Variants in ASTN1 observed in about 807,000 individuals in gnomAD.
The protein encoded by ASTN1 is astrotactin-1.
Under a neutral mutation model 140.7 loss-of-function variants are expected in ASTN1, and 41 were observed. The ratio of observed to expected loss-of-function variants is 0.29; its 90% CI spans 0.23 to 0.38. ASTN1 has a LOEUF of 0.38. ASTN1 is among the 10% of genes least tolerant of loss of function. The pLI is 1.00. For synonymous variants in ASTN1, 640 were observed against 652.2 expected (o/e 0.98, Z 0.29); for missense variants, 1,479 against 1,678.8 (o/e 0.88, Z 2.08).
At chr1:177,066,000 T>C (rs1678334370) in intron 1 of ASTN1, among the ~76,000 whole-genome samples, 1 of 152,188 alleles carries the variant, frequency 6.6e-6, no homozygotes. Flanking sequence ...AGTTTTCTCG[T>C]CTGAACAAGG....
At chr1:176,956,583 G>A (rs747779932) in intron 11 of ASTN1, among the ~76,000 whole-genome samples, 8 of 152,152 alleles carry the variant, frequency 5.3e-5, no homozygotes, top group Non-Finnish European at 1.2e-4. Flanking sequence ...TGCTCCAACC[G>A]CCAATCCAGT....
intron 11 of ASTN1, among the ~76,000 whole-genome samples, chr1:176,954,084 G>A (rs1336575319): frequency 6.6e-6 from 1 of 152,176 alleles, no homozygotes; most frequent in African/African-American, 2.4e-5. Flanking sequence ...AGCCAAGCCT[G>A]CTCCAATCCC....
intron 1 of ASTN1, among the ~76,000 whole-genome samples, chr1:177,103,301 G>C (rs1189255788): frequency 1.3e-5 from 2 of 152,210 alleles, no homozygotes; most frequent in Non-Finnish European, 2.9e-5. Flanking sequence ...AATAGATCTA[G>C]AAGCCAGAAA....
intron 11 of ASTN1, among the ~76,000 whole-genome samples, chr1:176,952,262 TTCAAACAC>T (rs1672222737): frequency 6.6e-6 from 1 of 151,852 alleles, no homozygotes; most frequent in African/African-American, 2.4e-5. Context: ...TCTCTCTCTT[TTCAAACAC>T]ACAAACACAC....
Position 176,863,218 on chromosome 1 carries a change from C to G in ASTN1, c.*1066G>C. The stretch of plus-strand genomic sequence containing the variant: ...GTCATCAGAGAAACGATTTGCAAAA[C>G]TAGCAACACAAGCAAATTTAGCAAG... On this transcript the variant is annotated 3_prime_UTR_variant, in exon 23 of 23. Coordinates refer to ENST00000361833, the MANE Select transcript of ASTN1 (RefSeq NM_004319.3). 1 of 985,912 alleles carries G rather than the reference C, an allele frequency of 1.0e-6. No individual in the cohort carries two copies. The highest frequency in any genetic ancestry group is 1.2e-6 in the Non-Finnish European group (1 of 829,938). 61.1% of individuals were successfully genotyped at this position (985,912 alleles called of 1,614,324 possible).
intron 1 of ASTN1, among the ~76,000 whole-genome samples, chr1:177,112,937 A>G (rs1315259343): frequency 6.6e-6 from 1 of 152,160 alleles, no homozygotes; most frequent in African/African-American, 2.4e-5. Flanking sequence ...GTTCTCTTTC[A>G]TATTCACTGT....
intron 22 of ASTN1, among the ~76,000 whole-genome samples, chr1:176,866,870 C>A (rs1668141992): frequency 6.6e-6 from 1 of 152,208 alleles, no homozygotes. Flanking sequence ...TTCTACTCAT[C>A]TTCACAATTA....
chr1:177,156,470 T>G (rs1683243838), intron 1 of ASTN1, among the ~76,000 whole-genome samples: 1 of 152,090 alleles, frequency 6.6e-6, no homozygotes, highest in African/African-American at 2.4e-5. Flanking sequence ...AGAGCTCCCA[T>G]TAGCCAATGC....
intron 3 of ASTN1, among the ~76,000 whole-genome samples, chr1:177,031,615 T>A (rs1036940847): frequency 6.6e-6 from 1 of 152,202 alleles, no homozygotes; most frequent in Admixed American, 6.5e-5. Flanking sequence ...ACAAGCAGAA[T>A]AAAAACCTCT....
At chr1:176,945,185 T>C (rs1224594040) in intron 13 of ASTN1, among the ~76,000 whole-genome samples, 4 of 152,134 alleles carry the variant, frequency 2.6e-5, no homozygotes, top group African/African-American at 9.7e-5. Flanking sequence ...GTTTGAAACA[T>C]TTTATTCTCA....
chr1:176,884,294 T>C (rs1668932648), intron 19 of ASTN1, 45 bp downstream of exon 19: 7 of 1,581,554 alleles, frequency 4.4e-6, no homozygotes, highest in African/African-American at 1.3e-5. Context: ...GTTTTAGTTT[T>C]ATCACCTTGG....
At position 176,884,532 on chromosome 1, in the gene ASTN1, G is replaced by A. The variant is rs1185977741; in HGVS notation, c.3075-42C>T. 1.9e-6 allele frequency: 3 copies of A among 1,574,250 alleles called. No homozygotes were observed. In the East Asian group the frequency reaches 6.8e-5, roughly 36 times the overall value. ...AGGAACATGAAACAGGGACACAACT[G>A]TGACTCACTTTGGGCACTGACTACC... On this transcript the variant is annotated intron_variant, in intron 18 of 22. Transcript: ENST00000361833.
intron 1 of ASTN1, among the ~76,000 whole-genome samples, chr1:177,161,381 T>C (rs1234309370): frequency 6.6e-6 from 1 of 152,248 alleles, no homozygotes; most frequent in Non-Finnish European, 1.5e-5. Context: ...TGACCTTAAA[T>C]GTCTTCACCT....
At chr1:177,027,808 CT>C (rs1200710037) in intron 5 of ASTN1, among the ~76,000 whole-genome samples, 2 of 150,294 alleles carry the variant, frequency 1.3e-5, no homozygotes, top group African/African-American at 2.5e-5. Flanking sequence ...TAATTACTTT[CT>C]CCTTTTTTGC....
At chr1:177,032,984 C>A (rs978586934) in intron 2 of ASTN1, 135 bp from the exon 3 acceptor site, 12 of 1,126,212 alleles carry the variant, frequency 1.1e-5, no homozygotes, top group Middle Eastern at 2.3e-4. Flanking sequence ...GCATTTACAG[C>A]AAGCATCATT....
chr1:176,969,967 G>A (rs545801677), intron 8 of ASTN1, among the ~76,000 whole-genome samples: 1 of 152,362 alleles, frequency 6.6e-6, no homozygotes, highest in African/African-American at 2.4e-5. Flanking sequence ...TGCCACAGAG[G>A]AGCCCATTGT....
At chr1:177,145,263 C>A (rs1432723674) in intron 1 of ASTN1, among the ~76,000 whole-genome samples, 1 of 152,170 alleles carries the variant, frequency 6.6e-6, no homozygotes, top group Non-Finnish European at 1.5e-5. Context: ...ATCTCCTACC[C>A]TTTAATACCA....
chr1:176,937,273 C>A (rs2103096939), intron 14 of ASTN1, among the ~76,000 whole-genome samples: 1 of 149,166 alleles, frequency 6.7e-6, no homozygotes, highest in South Asian at 2.1e-4. Context: ...ATGCTTATTT[C>A]TTCTTTACCA....
chr1:177,147,428 A>G lies in ASTN1; in HGVS notation c.283+16966T>C, dbSNP rs114296223. On this transcript the variant is annotated intron_variant, in intron 1 of 22. Coordinates refer to ENST00000361833, the MANE Select transcript of ASTN1 (RefSeq NM_004319.3). ...AACTGTCTGCCTTTAAGGAGCTTAC[A>G]GTTGCAGGGGTAGGCAAATAGAGAA... Among the ~76,000 whole-genome samples the G allele has an allele frequency of 3.3e-3, 500 of 152,316 alleles. 3 individuals are homozygous for G. Among genetic ancestry groups the G allele is most frequent in the African/African-American group, 0.011 (477 of 41,572 alleles).
Sources: allele counts gnomAD v4.1 joint callset (sites outside exome capture counted in the v4.1 genomes callset), GRCh38; gene constraint gnomAD v4.1.1; transcripts MANE v1.5; gene names NCBI Gene and HGNC (gene_info 2026-07-23, HGNC 2026-07-21).